Variants in SERINC5 observed in about 807,000 individuals in gnomAD.
SERINC5 encodes the protein chromosome 5 open reading frame 12.
Under a neutral mutation model 63.1 loss-of-function variants are expected in SERINC5, and 41 were observed. The observed-to-expected ratio is 0.65, with a 90% confidence interval of 0.51 to 0.84. The LOEUF is 0.84. Among genes scored for constraint, SERINC5 ranks in the 40% least tolerant of loss-of-function variants. SERINC5 has a pLI of 0.00. For synonymous variants in SERINC5, 222 were observed against 215.2 expected (o/e 1.03, Z -0.28); for missense variants, 523 against 573.0 (o/e 0.91, Z 0.89).
chr5:80,112,008 G>T (rs1465490509), intron 12 of SERINC5, among the ~76,000 whole-genome samples: 1 of 152,204 alleles, frequency 6.6e-6, no homozygotes, highest in African/African-American at 2.4e-5. Flanking sequence ...GATGCACTGC[G>T]GAAAGCCGCA....
chr5:80,236,124 C>T (rs1329936190), intron 1 of SERINC5, among the ~76,000 whole-genome samples: 1 of 152,146 alleles, frequency 6.6e-6, no homozygotes, highest in African/African-American at 2.4e-5. Context: ...TGACAACTTA[C>T]AATTTGGATA....
At chr5:80,254,094 TTG>T (rs1178835316) in intron 1 of SERINC5, among the ~76,000 whole-genome samples, 4 of 152,308 alleles carry the variant, frequency 2.6e-5, no homozygotes, top group Admixed American at 6.5e-5. Flanking sequence ...CCCGGCAATT[TTG>T]TGTTTTTAGT....
At chr5:80,160,926 GTGTGTGTGTATATATA>G (rs1340579608) in intron 7 of SERINC5, among the ~76,000 whole-genome samples, 1 of 145,274 alleles carries the variant, frequency 6.9e-6, no homozygotes, top group African/African-American at 2.6e-5. Context: ...ATATATGTGT[GTGTGTGTGTATATATA>G]TGTGTATATA....
chr5:80,163,425 T>C (rs921409763), intron 7 of SERINC5, among the ~76,000 whole-genome samples: 1 of 152,196 alleles, frequency 6.6e-6, no homozygotes, highest in African/African-American at 2.4e-5. Context: ...TTCTCAAAAG[T>C]AATGCTTCCC....
At chr5:80,146,302 G>A in intron 10 of SERINC5, 68 bp from the exon 11 acceptor site, 10 of 1,572,408 alleles carry the variant, frequency 6.4e-6, no homozygotes, top group Admixed American at 5.1e-5. Flanking sequence ...GCAAAGTCAC[G>A]CTCGCTAATT....
intron 1 of SERINC5, among the ~76,000 whole-genome samples, chr5:80,214,807 G>A (rs2112523590): frequency 6.6e-6 from 1 of 152,308 alleles, no homozygotes; most frequent in African/African-American, 2.4e-5. Flanking sequence ...TGAGGCAGGA[G>A]AATTGCTTAA....
At chr5:80,236,968 AC>A (rs1751720977) in intron 1 of SERINC5, among the ~76,000 whole-genome samples, 2 of 151,196 alleles carry the variant, frequency 1.3e-5, no homozygotes, top group Admixed American at 1.3e-4. Context: ...TCCTGCTTCA[AC>A]CTCCCGCCAT....
chr5:80,188,961 C>G (rs542915572), intron 2 of SERINC5, among the ~76,000 whole-genome samples: 17 of 152,240 alleles, frequency 1.1e-4, no homozygotes, highest in African/African-American at 4.1e-4. Context: ...ATTCTACAAT[C>G]TGATTGACTC....
At chr5:80,217,160 A>G (rs1245155557) in intron 1 of SERINC5, among the ~76,000 whole-genome samples, 1 of 150,988 alleles carries the variant, frequency 6.6e-6, no homozygotes, top group African/African-American at 2.5e-5. Context: ...AAGTTTATTT[A>G]AAAGTTTTAT....
At position 80,177,947 on chromosome 5, in the gene SERINC5, A is replaced by G; in HGVS notation, c.313T>C (p.Phe105Leu). 6.2e-7 allele frequency: 1 copy of G among 1,612,158 alleles called. No homozygotes were observed. Among genetic ancestry groups the G allele is most frequent in the Non-Finnish European group, 8.5e-7 (1 of 1,179,074 alleles). ...CFGMACFFFI[F>L]CLLTLKINNS... ...TTGATTTTCAAGGTCAGTAGACAGA[A>G]GATAAAGAAGAAACAAGCCATTCCA... The change falls in exon 3 of 12, where the codon TTC (phenylalanine) becomes CTC (leucine). Residue 105 changes from phenylalanine (F) to leucine (L), a missense_variant. By Grantham distance (22) the Phe-to-Leu change is conservative. Transcript: ENST00000507668.
chr5:80,194,617 T>C (rs937192725), intron 2 of SERINC5, among the ~76,000 whole-genome samples: 8 of 152,234 alleles, frequency 5.3e-5, no homozygotes, highest in Admixed American at 5.2e-4. Flanking sequence ...GCTCAGCTTT[T>C]GGTCATCACA....
At chr5:80,160,709 T>C (rs1239917889) in intron 7 of SERINC5, among the ~76,000 whole-genome samples, 2 of 152,190 alleles carry the variant, frequency 1.3e-5, no homozygotes, top group Non-Finnish European at 2.9e-5. Context: ...CTCCTTCCTA[T>C]GTTTGAGTCT....
chr5:80,213,682 C>T (rs1158702466), intron 1 of SERINC5, among the ~76,000 whole-genome samples: 1 of 152,156 alleles, frequency 6.6e-6, no homozygotes, highest in Non-Finnish European at 1.5e-5. Context: ...CCCTTCCTGT[C>T]TCCCATGCAA....
intron 2 of SERINC5, among the ~76,000 whole-genome samples, chr5:80,187,915 T>C (rs533631920): frequency 3.9e-5 from 6 of 152,254 alleles, no homozygotes; most frequent in Admixed American, 2.0e-4. Flanking sequence ...TTAATTACTA[T>C]GGGAAGAAGG....
chr5:80,202,271 T>C (rs187167715), intron 2 of SERINC5, among the ~76,000 whole-genome samples: 1 of 152,086 alleles, frequency 6.6e-6, no homozygotes, highest in Admixed American at 6.5e-5. Context: ...CTGGCAGCCA[T>C]CCTATGACAA....
At chr5:80,191,695 CTT>C (rs200623852) in intron 2 of SERINC5, among the ~76,000 whole-genome samples, 2 of 140,154 alleles carry the variant, frequency 1.4e-5, no homozygotes, top group Admixed American at 7.1e-5. Context: ...AAAAAAAAGA[CTT>C]TTTTTTTTTT....
intron 1 of SERINC5, among the ~76,000 whole-genome samples, chr5:80,247,964 T>C (rs1752235180): frequency 1.3e-5 from 2 of 152,086 alleles, no homozygotes; most frequent in African/African-American, 4.8e-5. Context: ...TCCTCCCACC[T>C]CAGCCTCCCA....
At chr5:80,212,167 G>T (rs7701028) in intron 1 of SERINC5, among the ~76,000 whole-genome samples, 8,033 of 152,232 alleles carry the variant, frequency 0.053, 429 homozygotes, top group African/African-American at 0.14. Flanking sequence ...CAAGTTTTCT[G>T]TGAGCTACAA....
intron 1 of SERINC5, among the ~76,000 whole-genome samples, chr5:80,205,928 A>T (rs1750133690): frequency 1.3e-5 from 2 of 150,898 alleles, no homozygotes; most frequent in South Asian, 4.2e-4. Context: ...AACAAAACAA[A>T]ACAAAACAAA....
Sources: gnomAD v4.1 joint callset for allele counts (sites outside exome capture counted in the v4.1 genomes callset) on GRCh38, gnomAD v4.1.1 for gene constraint, MANE v1.5 for transcripts, NCBI Gene and HGNC (gene_info 2026-07-23, HGNC 2026-07-21) for gene names.